The following MGAT4C variants were observed in gnomAD, a reference collection of about 807,000 sequenced individuals.
MGAT4C encodes alpha-1,3-mannosyl-glycoprotein 4-beta-N-acetylglucosaminyltransferase C.
A neutral mutation model predicts 40.1 loss-of-function variants in MGAT4C; 19 were observed. The observed-to-expected ratio is 0.47, with a 90% CI of 0.33 to 0.70. The LOEUF is 0.70. MGAT4C is among the 30% of genes least tolerant of loss of function. The pLI, the probability that MGAT4C is intolerant of heterozygous loss-of-function variation, is 0.02. For synonymous variants in MGAT4C, 181 were observed against 187.1 expected, an observed-to-expected ratio of 0.97 and a Z score of 0.27; for missense variants, 491 against 563.2, an observed-to-expected ratio of 0.87 and a Z score of 1.30.
chr12:86,373,649 AAT>A (rs1955763822), intron 3 of MGAT4C, among the ~76,000 whole-genome samples: 1 of 149,828 alleles, frequency 6.7e-6, no homozygotes, highest in African/African-American at 2.4e-5. Flanking sequence ...CACAAAAGAA[AAT>A]AGTTTTTTTT....
intron 2 of MGAT4C, among the ~76,000 whole-genome samples, chr12:86,627,315 A>G (rs1962848365): frequency 1.3e-5 from 2 of 152,182 alleles, no homozygotes; most frequent in African/African-American, 4.8e-5. Flanking sequence ...CAAAGGCAGT[A>G]GAAACTTCTG....
intron 2 of MGAT4C, among the ~76,000 whole-genome samples, chr12:86,694,523 T>C (rs952282048): frequency 6.6e-6 from 1 of 152,180 alleles, no homozygotes. Flanking sequence ...CTAGTATTTA[T>C]ATAATTTGAT....
intron 1 of MGAT4C, among the ~76,000 whole-genome samples, chr12:86,061,249 G>A (rs1231925483): frequency 6.6e-6 from 1 of 152,170 alleles, no homozygotes; most frequent in Non-Finnish European, 1.5e-5. Context: ...ACCGGGAAGT[G>A]CAAGGGGTTG....
Position 86,392,980 on chromosome 12 carries a change from A to C in MGAT4C, c.-120+42177T>G, listed in dbSNP as rs540557772. Among the ~76,000 whole-genome samples, 28 of 152,326 alleles carry C rather than the reference A, an allele frequency of 1.8e-4. No individual in the cohort carries two copies. In the South Asian group the frequency reaches 5.8e-3, roughly 32 times the overall value. On this transcript the variant is annotated intron_variant, in intron 3 of 7. Coordinates refer to the MGAT4C transcript ENST00000548651. ...ATTTTAACCTATAATAAACTAAGAA[A>C]ACAATTTGCATCTTTAAAAGATGTT...
At chr12:86,533,052 G>A (rs1490077661) in intron 2 of MGAT4C, among the ~76,000 whole-genome samples, 6 of 151,936 alleles carry the variant, frequency 3.9e-5, no homozygotes, top group Non-Finnish European at 7.4e-5. Flanking sequence ...GCCTCAGATA[G>A]GTTATATAAT....
At chr12:86,112,911 T>C (rs1036341158) in intron 1 of MGAT4C, among the ~76,000 whole-genome samples, 1 of 151,684 alleles carries the variant, frequency 6.6e-6, no homozygotes, top group African/African-American at 2.4e-5. Context: ...TGGGGGAAAA[T>C]TGGAAGCCAG....
At chr12:86,836,923 T>G (rs1474409836) in intron 1 of MGAT4C, among the ~76,000 whole-genome samples, 2 of 152,146 alleles carry the variant, frequency 1.3e-5, no homozygotes, top group African/African-American at 4.8e-5. Flanking sequence ...GCACATTGTT[T>G]GAGATTTTCG....
At chr12:86,774,086 TG>T (rs1261942256) in intron 1 of MGAT4C, among the ~76,000 whole-genome samples, 3 of 150,872 alleles carry the variant, frequency 2.0e-5, no homozygotes, top group Admixed American at 6.6e-5. Flanking sequence ...CCTAAGCAGC[TG>T]GGACTACAGC....
chr12:86,088,910 G>A (rs532132405), intron 1 of MGAT4C, among the ~76,000 whole-genome samples: 1 of 152,008 alleles, frequency 6.6e-6, no homozygotes, highest in East Asian at 1.9e-4. Flanking sequence ...TCAACTTATA[G>A]TCTGTATTAT....
intron 4 of MGAT4C, among the ~76,000 whole-genome samples, chr12:86,261,737 A>G (rs1374371254): frequency 6.6e-6 from 1 of 152,094 alleles, no homozygotes; most frequent in East Asian, 1.9e-4. Context: ...AGAGCATACC[A>G]GAAGTGTGTT....
rs183240341 is a variant in MGAT4C at position 86,143,392 on chromosome 12, G to T, written c.-56-93669C>A. Among the ~76,000 whole-genome samples the T allele has an allele frequency of 3.6e-3, 554 of 152,280 alleles. 13 individuals are homozygous for T. In the South Asian group the frequency reaches 0.054, roughly 15 times the overall value. ...TTTACATTTAATTTATTGCTACCCA[G>T]AAGTATGTCTGGCTTTCTGCTTTAG... On this transcript the variant is annotated intron_variant, in intron 1 of 4. Coordinates refer to ENST00000611864, the MANE Select transcript of MGAT4C (RefSeq NM_001351288.2).
intron 4 of MGAT4C, among the ~76,000 whole-genome samples, chr12:86,321,876 T>C (rs993102613): frequency 7.9e-5 from 12 of 152,154 alleles, no homozygotes; most frequent in Non-Finnish European, 1.8e-4. Flanking sequence ...TTACTGGGTA[T>C]ATACCCAAAG....
chr12:86,383,561 A>AC (rs1955993134), intron 3 of MGAT4C, among the ~76,000 whole-genome samples: 2 of 150,242 alleles, frequency 1.3e-5, no homozygotes, highest in Non-Finnish European at 3.0e-5. Flanking sequence ...AAAAAAAAAA[A>AC]AAAAAAAAAA....
At position 86,781,251 on chromosome 12, in the gene MGAT4C, G is replaced by T. The variant is rs546126121; in HGVS notation, c.-261-54010C>A. Among the ~76,000 whole-genome samples the T allele has an allele frequency of 1.8e-4, 28 of 151,884 alleles. No homozygotes were observed. In the East Asian group the frequency reaches 4.8e-3, roughly 26 times the overall value. ...ACTCTTCATACTCTTTTCCCTAGAG[G>T]TTATAATAATTTACATTCCCACTAA... On this transcript the variant is annotated intron_variant, in intron 1 of 7. Coordinates refer to the MGAT4C transcript ENST00000548651.
intron 1 of MGAT4C, among the ~76,000 whole-genome samples, chr12:86,201,386 C>T (rs1182299484): frequency 6.6e-6 from 1 of 150,962 alleles, no homozygotes; most frequent in Admixed American, 6.6e-5. Flanking sequence ...GTCAATAACA[C>T]CATCTTGATT....
intron 4 of MGAT4C, among the ~76,000 whole-genome samples, chr12:86,262,025 C>T (rs1294747256): frequency 1.3e-5 from 2 of 152,024 alleles, no homozygotes; most frequent in South Asian, 2.1e-4. Context: ...ACATGCTTAG[C>T]GTTCCAATAT....
intron 1 of MGAT4C, among the ~76,000 whole-genome samples, chr12:86,101,842 T>C (rs561461255): frequency 2.0e-5 from 3 of 152,092 alleles, no homozygotes; most frequent in South Asian, 2.1e-4. Context: ...AGGCTATGCA[T>C]TATGAATTTT....
At chr12:86,172,873 A>G (rs1219518934) in intron 1 of MGAT4C, among the ~76,000 whole-genome samples, 1 of 152,160 alleles carries the variant, frequency 6.6e-6, no homozygotes, top group African/African-American at 2.4e-5. Flanking sequence ...CCTTTTAATA[A>G]TGAATATTAA....
intron 3 of MGAT4C, among the ~76,000 whole-genome samples, chr12:86,359,610 A>C (rs1222221483): frequency 6.6e-6 from 1 of 152,168 alleles, no homozygotes; most frequent in East Asian, 1.9e-4. Flanking sequence ...GAAAAGAGAG[A>C]AGAATCAAAT....
Sources: gnomAD v4.1 joint callset for allele counts (sites outside exome capture counted in the v4.1 genomes callset) on GRCh38, gnomAD v4.1.1 for gene constraint, MANE v1.5 for transcripts, NCBI Gene and HGNC (gene_info 2026-07-23, HGNC 2026-07-21) for gene names.